SLC39A12: variants seen among roughly 807,000 people sequenced by gnomAD.
The protein encoded by SLC39A12 is zinc transporter ZIP12.
SLC39A12 carries 63 observed loss-of-function variants against 71.1 expected under a neutral mutation model. That is an observed-to-expected ratio of 0.89 (90% CI 0.72 to 1.09). The LOEUF (loss-of-function observed/expected upper bound fraction) is 1.09, where lower values mean the gene tolerates loss of function less well. Among genes scored for constraint, SLC39A12 ranks in the 50% least tolerant of loss-of-function variants. SLC39A12 has a pLI of 0.00. For missense variants in SLC39A12, 892 were observed against 812.6 expected (o/e 1.10, Z -1.19); for synonymous variants, 351 against 301.3 (o/e 1.16, Z -1.71).
Position 18,000,823 on chromosome 10 carries a change from T to C in SLC39A12, c.1757T>C (p.Met586Thr). The change falls in exon 11 of 13, where the codon ATG (methionine) becomes ACG (threonine). Residue 586 changes from methionine (M) to threonine (T), a missense_variant and splice_region_variant. Physicochemically the swap from Met to Thr is moderately conservative, Grantham distance 81. Transcript: ENST00000377369. ...TTGTGTCATGAAATCCCACATGAAATGGGTAAGTTCAACAATGGAATTACT... is the reference window on the plus strand; with the variant it reads ...TTGTGTCATGAAATCCCACATGAAACGGGTAAGTTCAACAATGGAATTACT... ...AILCHEIPHE[M>T]GDFAVLLSSG... The C allele has an allele frequency of 6.2e-7, 1 of 1,613,628 alleles. No homozygotes were observed. Among genetic ancestry groups the C allele is most frequent in the Non-Finnish European group, 8.5e-7 (1 of 1,179,740 alleles).
At chr10:18,001,114 A>G (rs952874742) in intron 11 of SLC39A12, among the ~76,000 whole-genome samples, 1 of 152,236 alleles carries the variant, frequency 6.6e-6, no homozygotes, top group Non-Finnish European at 1.5e-5. Flanking sequence ...TATTTTAAAG[A>G]ATTTTGATGG....
chr10:17,980,591 T>A (rs565520480), intron 5 of SLC39A12, among the ~76,000 whole-genome samples: 15 of 152,212 alleles, frequency 9.9e-5, no homozygotes, highest in Non-Finnish European at 2.1e-4. Context: ...TTTGGCCCTT[T>A]TTAGAGACTG....
At chr10:17,989,163 G>A (rs1246807223) in intron 7 of SLC39A12, among the ~76,000 whole-genome samples, 1 of 152,094 alleles carries the variant, frequency 6.6e-6, no homozygotes, top group East Asian at 1.9e-4. Context: ...CTCTTACCAG[G>A]GATAATGATG....
intron 2 of SLC39A12, among the ~76,000 whole-genome samples, chr10:17,959,828 G>C (rs1425093463): frequency 6.6e-6 from 1 of 152,210 alleles, no homozygotes; most frequent in Non-Finnish European, 1.5e-5. Context: ...GCATGTGCTT[G>C]TGGCTTGTGA....
At chr10:17,992,448 A>G (rs1835578397) in intron 8 of SLC39A12, among the ~76,000 whole-genome samples, 1 of 152,204 alleles carries the variant, frequency 6.6e-6, no homozygotes, top group Admixed American at 6.5e-5. Context: ...CCAAACTAGG[A>G]TGCTATGGTA....
intron 12 of SLC39A12, among the ~76,000 whole-genome samples, chr10:18,012,420 G>C (rs1034136548): frequency 1.3e-5 from 2 of 152,146 alleles, no homozygotes; most frequent in Admixed American, 1.3e-4. Flanking sequence ...CTCTGTGGCT[G>C]ATAAAAGCTC....
intron 5 of SLC39A12, among the ~76,000 whole-genome samples, chr10:17,978,330 T>G (rs541251610): frequency 2.6e-4 from 39 of 152,270 alleles, no homozygotes; most frequent in African/African-American, 8.9e-4. Flanking sequence ...TTGAGTGAAT[T>G]AATAATTCAG....
chr10:18,014,284 A>T (rs1564657477), intron 12 of SLC39A12, among the ~76,000 whole-genome samples: 2 of 152,156 alleles, frequency 1.3e-5, no homozygotes, highest in South Asian at 4.2e-4. Flanking sequence ...AATGCAACTA[A>T]TTTTGTGTGT....
chr10:17,960,768 C>T (rs954664530), intron 2 of SLC39A12, among the ~76,000 whole-genome samples: 1 of 152,242 alleles, frequency 6.6e-6, no homozygotes, highest in East Asian at 1.9e-4. Context: ...CGTGGCTCAT[C>T]CAAATTGAGA....
intron 10 of SLC39A12, among the ~76,000 whole-genome samples, chr10:17,997,571 G>A (rs181224253): frequency 6.6e-6 from 1 of 152,234 alleles, no homozygotes; most frequent in East Asian, 1.9e-4. Flanking sequence ...TGCTAGATTA[G>A]GGAGTAACGA....
Position 18,042,878 on chromosome 10 carries a change from A to G in SLC39A12, c.*45A>G. 1 of 1,538,534 alleles carries G rather than the reference A, an allele frequency of 6.5e-7. No homozygotes were observed. The highest frequency in any genetic ancestry group is 8.8e-7 in the Non-Finnish European group (1 of 1,139,296). Reference sequence around the variant, plus strand: ...TTCAAAAATGCATTTATATAGTCTTACTTTGTTTCTTTCATTGCACTCTAT... The same window carrying G: ...TTCAAAAATGCATTTATATAGTCTTGCTTTGTTTCTTTCATTGCACTCTAT... On this transcript the variant is annotated 3_prime_UTR_variant, in exon 13 of 13. Coordinates refer to ENST00000377369, the MANE Select transcript of SLC39A12 (RefSeq NM_001145195.2).
chr10:17,978,100 A>G (rs770992084), intron 5 of SLC39A12, 26 bp downstream of exon 5: 2 of 1,525,142 alleles, frequency 1.3e-6, no homozygotes, highest in South Asian at 1.3e-5. Flanking sequence ...CTCTTATTCA[A>G]GCATTTGCTA....
chr10:17,958,894 T>C (rs1364771421), intron 2 of SLC39A12, among the ~76,000 whole-genome samples: 1 of 152,140 alleles, frequency 6.6e-6, no homozygotes, highest in Non-Finnish European at 1.5e-5. Flanking sequence ...AGACATTTTG[T>C]TTTTCACACT....
intron 4 of SLC39A12, among the ~76,000 whole-genome samples, chr10:17,969,789 T>G (rs1274903213): frequency 6.6e-6 from 1 of 152,210 alleles, no homozygotes; most frequent in East Asian, 1.9e-4. Flanking sequence ...TGTAACTTGA[T>G]GTGATCCCAC....
chr10:18,039,197 A>C (rs1377388473), intron 12 of SLC39A12, among the ~76,000 whole-genome samples: 4 of 152,188 alleles, frequency 2.6e-5, no homozygotes, highest in Non-Finnish European at 5.9e-5. Flanking sequence ...AAGATAATTA[A>C]TAATCTTGTT....
chr10:18,003,397 C>A (rs749978606), intron 12 of SLC39A12, 39 bp downstream of exon 12: 6 of 1,548,770 alleles, frequency 3.9e-6, no homozygotes, highest in Non-Finnish European at 3.5e-6. Flanking sequence ...TTTCTAAGCA[C>A]TGAAAATGTA....
chr10:18,028,829 C>G (rs1836754092), intron 12 of SLC39A12, among the ~76,000 whole-genome samples: 1 of 152,092 alleles, frequency 6.6e-6, no homozygotes, highest in Non-Finnish European at 1.5e-5. Flanking sequence ...AAGCAACCCT[C>G]CAGCCTCAGC....
chr10:17,966,279 A>G (rs1422985823), intron 4 of SLC39A12, among the ~76,000 whole-genome samples: 1 of 152,130 alleles, frequency 6.6e-6, no homozygotes, highest in South Asian at 2.1e-4. Context: ...TTCTTAACAT[A>G]CTCACCAAAA....
rs552016248 is a variant in SLC39A12 at position 18,023,905 on chromosome 10, C to A, written c.1948-18800C>A. Among the ~76,000 whole-genome samples, 6 of 152,216 alleles carry A rather than the reference C, an allele frequency of 3.9e-5. No homozygotes were observed. The South Asian group carries it at 8.3e-4, about 21-fold the overall frequency. ...CAGTGAGGAGTAGCAGGGACAGGGA[C>A]CCCTGTGGAAGTCTGGCCACTTTTC... On this transcript the variant is annotated intron_variant, in intron 12 of 12. Transcript: ENST00000377369.
Sources: gnomAD v4.1 joint callset for allele counts (sites outside exome capture counted in the v4.1 genomes callset) on GRCh38, gnomAD v4.1.1 for gene constraint, MANE v1.5 for transcripts, NCBI Gene and HGNC (gene_info 2026-07-23, HGNC 2026-07-21) for gene names.